The following TTLL11 variants were observed in gnomAD, a reference collection of about 807,000 sequenced individuals.
The protein encoded by TTLL11 is tubulin polyglutamylase TTLL11.
Under a neutral mutation model 51.7 loss-of-function variants are expected in TTLL11, and 42 were observed. That is an observed-to-expected ratio of 0.81 (90% CI 0.64 to 1.05). TTLL11 has a LOEUF of 1.05. TTLL11 is among the 50% of genes least tolerant of loss of function. The pLI, the probability that TTLL11 is intolerant of heterozygous loss-of-function variation, is 0.00. For synonymous variants in TTLL11, 381 were observed against 383.5 expected, an observed-to-expected ratio of 0.99 and a Z score of 0.08; for missense variants, 799 against 940.4, an observed-to-expected ratio of 0.85 and a Z score of 1.97.
chr9:122,034,503 T>G (rs1480784030), intron 2 of TTLL11, among the ~76,000 whole-genome samples: 1 of 152,226 alleles, frequency 6.6e-6, no homozygotes, highest in Non-Finnish European at 1.5e-5. Flanking sequence ...CCTGCCTGAA[T>G]GCCTGTCTCC....
chr9:122,031,984 G>A (rs925533932), intron 2 of TTLL11, 128 bp from the exon 3 acceptor site: 1 of 1,309,026 alleles, frequency 7.6e-7, no homozygotes, highest in Non-Finnish European at 1.0e-6. Flanking sequence ...TTTAAAAAAG[G>A]TCTGAGTTGT....
Position 121,989,232 on chromosome 9 carries a change from T to C in TTLL11, c.1232A>G (p.Asp411Gly), listed in dbSNP as rs150846608. 1 of 1,613,984 alleles carries C rather than the reference T, an allele frequency of 6.2e-7. No individual in the cohort carries two copies. The highest frequency in any genetic ancestry group is 8.5e-7 in the Non-Finnish European group (1 of 1,179,970). The change falls in exon 4 of 9, where the codon GAC becomes GGC. Residue 411 changes from aspartate (D) to glycine (G), a missense_variant. Physicochemically the swap from Asp to Gly is moderately conservative, Grantham distance 94. Around this residue, in one of 3 missense-constraint regions of TTLL11, gnomAD observed 468 missense variants for 612.8 expected, o/e 0.76. Coordinates refer to ENST00000321582, the MANE Select transcript of TTLL11 (RefSeq NM_001139442.2). The surrounding 1 kb of genome is among the most constrained non-coding windows in gnomAD (Gnocchi z 4.2). ...GGGGCCCGGCCTCCCCGTGGGGATG[T>C]CTGACTGGTAGAAGACTTTGAGCTC... ...TPELKVFYQS[D>G]IPTGRPGPTC... is the part of the protein sequence containing the mutation.
chr9:121,940,785 T>C (rs1841427713), intron 6 of TTLL11, among the ~76,000 whole-genome samples: 1 of 152,226 alleles, frequency 6.6e-6, no homozygotes, highest in Admixed American at 6.5e-5. Context: ...ATAGGACATT[T>C]GCTGATCTCC....
chr9:121,846,353 C>G (rs1474478621), intron 8 of TTLL11, among the ~76,000 whole-genome samples: 1 of 152,172 alleles, frequency 6.6e-6, no homozygotes, highest in East Asian at 1.9e-4. Flanking sequence ...CAACACCCCT[C>G]TATCAGTAAC....
At chr9:121,903,978 G>C (rs183251141) in intron 6 of TTLL11, among the ~76,000 whole-genome samples, 6 of 152,164 alleles carry the variant, frequency 3.9e-5, no homozygotes, top group Non-Finnish European at 7.3e-5. Flanking sequence ...CAAATACAAC[G>C]TGGGTTAAAT....
chr9:121,934,275 T>C (rs1005723786), intron 6 of TTLL11, among the ~76,000 whole-genome samples: 3 of 152,140 alleles, frequency 2.0e-5, no homozygotes, highest in Non-Finnish European at 2.9e-5. Context: ...AATCCATTCG[T>C]CCATCTTGCG....
At chr9:122,086,324 T>C (rs1044024908) in intron 1 of TTLL11, among the ~76,000 whole-genome samples, 2 of 152,346 alleles carry the variant, frequency 1.3e-5, no homozygotes, top group African/African-American at 4.8e-5. Flanking sequence ...TTTTATGTTA[T>C]GACAAGTTTA....
chr9:121,970,660 C>T (rs1472995409), intron 6 of TTLL11, among the ~76,000 whole-genome samples: 13 of 152,336 alleles, frequency 8.5e-5, no homozygotes, highest in African/African-American at 2.4e-4. Context: ...TACCATCTCA[C>T]GCCAGTTAGA....
chr9:121,840,926 G>C (rs1027397725), intron 8 of TTLL11, among the ~76,000 whole-genome samples: 1 of 152,212 alleles, frequency 6.6e-6, no homozygotes, highest in African/African-American at 2.4e-5. Flanking sequence ...CGAGGCACTT[G>C]GCCTCCACTG....
chr9:122,046,506 G>A (rs1678860923), intron 1 of TTLL11, among the ~76,000 whole-genome samples: 1 of 152,108 alleles, frequency 6.6e-6, no homozygotes, highest in Admixed American at 6.5e-5. Flanking sequence ...GGCCATTTGT[G>A]GCTCTACTCT....
chr9:122,070,027 A>G (rs10739605), intron 1 of TTLL11, among the ~76,000 whole-genome samples: 149,512 of 151,928 alleles, frequency 0.98, 73,619 homozygotes, highest in Middle Eastern at 1. Flanking sequence ...ACACACACAC[A>G]CACACCAGAA....
chr9:121,823,619 A>G (rs1326095914), intron 8 of TTLL11, among the ~76,000 whole-genome samples: 1 of 152,226 alleles, frequency 6.6e-6, no homozygotes, highest in Admixed American at 6.5e-5. Flanking sequence ...ATATGAAGAT[A>G]AACCCGGTTT....
intron 6 of TTLL11, among the ~76,000 whole-genome samples, chr9:121,939,244 T>C (rs570659612): frequency 5.9e-5 from 9 of 152,328 alleles, no homozygotes; most frequent in African/African-American, 2.2e-4. Flanking sequence ...AAATATTAAA[T>C]ATTATAATCC....
At chr9:121,938,105 T>A (rs1351588657) in intron 6 of TTLL11, among the ~76,000 whole-genome samples, 2 of 151,966 alleles carry the variant, frequency 1.3e-5, no homozygotes, top group African/African-American at 4.8e-5. Flanking sequence ...CTGGCCAACA[T>A]GGTGAAATCC....
intron 6 of TTLL11, among the ~76,000 whole-genome samples, chr9:121,875,293 G>T (rs994184406): frequency 6.6e-6 from 1 of 152,132 alleles, no homozygotes; most frequent in Non-Finnish European, 1.5e-5. Context: ...ACCACCTCTG[G>T]GACACCTCAG....
chr9:122,046,351 T>C (rs932013164), intron 1 of TTLL11, among the ~76,000 whole-genome samples: 3 of 152,272 alleles, frequency 2.0e-5, no homozygotes, highest in Admixed American at 1.3e-4. Context: ...CTTCCATGAT[T>C]GTAAGTTTCC....
intron 3 of TTLL11, among the ~76,000 whole-genome samples, chr9:122,018,932 A>G (rs917127681): frequency 4.6e-5 from 7 of 152,178 alleles, no homozygotes; most frequent in African/African-American, 1.4e-4. Flanking sequence ...CGAACAGCTA[A>G]AATCAGGCAG....
At chr9:121,824,480 A>AG (rs1446116120) in intron 8 of TTLL11, among the ~76,000 whole-genome samples, 1 of 134,050 alleles carries the variant, frequency 7.5e-6, no homozygotes, top group African/African-American at 3.2e-5. Context: ...CTCCATCTCA[A>AG]AAAAAAAAAA....
intron 6 of TTLL11, among the ~76,000 whole-genome samples, chr9:121,881,744 C>T (rs1838802347): frequency 6.6e-6 from 1 of 152,184 alleles, no homozygotes; most frequent in Non-Finnish European, 1.5e-5. Flanking sequence ...CTTTCTCAGA[C>T]AAGGGTGTCC....
Sources: allele counts gnomAD v4.1 joint callset (sites outside exome capture counted in the v4.1 genomes callset), GRCh38; gene constraint gnomAD v4.1.1; regional missense constraint gnomAD v4.1.1; non-coding constraint Gnocchi (gnomAD v3.1); transcripts MANE v1.5; gene names NCBI Gene and HGNC (gene_info 2026-07-23, HGNC 2026-07-21).